Variants in PIAS4 observed in about 807,000 individuals in gnomAD.
PIAS4 encodes the protein E3 SUMO-protein ligase PIAS4.
A neutral mutation model predicts 58.0 loss-of-function variants in PIAS4; 7 were observed. That is an observed-to-expected ratio of 0.12 (90% CI 0.07 to 0.23). The LOEUF (loss-of-function observed/expected upper bound fraction) is 0.23, where lower values mean the gene tolerates loss of function less well. PIAS4 is among the 10% of genes least tolerant of loss of function. The pLI, the probability that PIAS4 is intolerant of heterozygous loss-of-function variation, is 1.00. For missense variants in PIAS4, 550 were observed against 709.5 expected (o/e 0.78, Z 2.55); for synonymous variants, 364 against 312.4 (o/e 1.17, Z -1.74).
At chr19:4,028,876 GCCC>G in intron 6 of PIAS4, 28 bp downstream of exon 6, 1 of 1,609,560 alleles carries the variant, frequency 6.2e-7, no homozygotes, top group South Asian at 1.1e-5. Flanking sequence ...TGCCCACCCT[GCCC>G]CCCAACCCCG....
chr19:4,028,486 C>T (rs889871686), intron 4 of PIAS4, 24 bp from the exon 5 acceptor site: 2 of 1,588,848 alleles, frequency 1.3e-6, no homozygotes, highest in African/African-American at 2.7e-5. Flanking sequence ...CCTCCCCGCC[C>T]CATGGTCCCT....
chr19:4,021,192 A>C (rs879724125), intron 2 of PIAS4, among the ~76,000 whole-genome samples: 1 of 151,996 alleles, frequency 6.6e-6, no homozygotes, highest in Non-Finnish European at 1.5e-5. Context: ...TCACTCTGTC[A>C]CCCAGGCTGG....
Position 4,037,608 on chromosome 19 carries a change from G to A in PIAS4, c.1274-8G>A. On this transcript the variant is annotated splice_polypyrimidine_tract_variant and splice_region_variant and intron_variant, in intron 10 of 10. Transcript: ENST00000262971. This position sits in a 1 kb window ranked among gnomAD's most constrained non-coding sequence, Gnocchi z 5.8. ...TAAGTACCTGCACCCTGTCCCTGTT[G>A]CCCGTAGGCCCCTCGGACGCCAATG... 1 of 1,609,244 alleles carries A rather than the reference G, an allele frequency of 6.2e-7. No homozygotes were observed. The highest frequency in any genetic ancestry group is 8.5e-7 in the Non-Finnish European group (1 of 1,179,774).
In PIAS4 at chr19:4,025,652, G is replaced by T. The variant is rs1175167632; in HGVS notation, c.539+1532G>T. Among the ~76,000 whole-genome samples the T allele has an allele frequency of 7.6e-5, 9 of 118,712 alleles. No individual in the cohort carries two copies. The East Asian group carries it at 2.4e-3, about 31-fold the overall frequency. The allele number at this position is 118,712 out of a possible 152,430, so 77.9% of individuals were successfully genotyped here. ...TTGGCCATGGAGGCCTCTCTGCCTG[G>T]GTGACCCAAGGTGGCGACCTCGTCT... On this transcript the variant is annotated intron_variant, in intron 3 of 10. Coordinates refer to ENST00000262971, the MANE Select transcript of PIAS4 (RefSeq NM_015897.4).
chr19:4,030,231 G>A (rs2040210691), intron 7 of PIAS4, among the ~76,000 whole-genome samples: 1 of 143,928 alleles, frequency 6.9e-6, no homozygotes, highest in East Asian at 1.9e-4. Context: ...CCAAAGTGCT[G>A]GGATTACAGT....
chr19:4,023,594 C>G (rs977925777), intron 2 of PIAS4, among the ~76,000 whole-genome samples: 5 of 152,230 alleles, frequency 3.3e-5, no homozygotes, highest in Non-Finnish European at 7.3e-5. Context: ...CGTCAGTACC[C>G]CCCGCACCAC....
chr19:4,017,159 G>A (rs1278936735), intron 2 of PIAS4, among the ~76,000 whole-genome samples: 1 of 152,090 alleles, frequency 6.6e-6, no homozygotes, highest in Non-Finnish European at 1.5e-5. Flanking sequence ...CCTGTGGTTG[G>A]GGAACAGGGG....
At chr19:4,029,392 A>G (rs2040200609) in intron 7 of PIAS4, among the ~76,000 whole-genome samples, 1 of 152,098 alleles carries the variant, frequency 6.6e-6, no homozygotes, top group Non-Finnish European at 1.5e-5. Context: ...GCTGTGGTCT[A>G]AGCAGCCCCT....
chr19:4,027,915 C>T (rs1471815594), intron 3 of PIAS4, among the ~76,000 whole-genome samples: 7 of 152,048 alleles, frequency 4.6e-5, no homozygotes, highest in African/African-American at 1.7e-4. Context: ...CTCTCTGGTT[C>T]AGGGTTTTGC....
chr19:4,032,504 A>T (rs1326047975), intron 7 of PIAS4, among the ~76,000 whole-genome samples: 2 of 152,158 alleles, frequency 1.3e-5, no homozygotes, highest in Non-Finnish European at 2.9e-5. Flanking sequence ...CGTCGAGGGG[A>T]GGGCGGCGCC....
At chr19:4,033,261 G>T in intron 8 of PIAS4, 88 bp downstream of exon 8, 1 of 1,433,508 alleles carries the variant, frequency 7.0e-7, no homozygotes, top group Non-Finnish European at 9.6e-7. Context: ...GGCTTGGCTG[G>T]GCCGTGAGCC....
At chr19:4,008,038 C>G (rs1802755035) in intron 1 of PIAS4, among the ~76,000 whole-genome samples, 1 of 151,728 alleles carries the variant, frequency 6.6e-6, no homozygotes, top group South Asian at 2.1e-4. Context: ...GGCAGGGTCC[C>G]CCCACCCAGC....
chr19:4,020,373 G>A (rs951880765), intron 2 of PIAS4, among the ~76,000 whole-genome samples: 1 of 152,152 alleles, frequency 6.6e-6, no homozygotes, highest in South Asian at 2.1e-4. Context: ...CATAGCCTGC[G>A]AAGCTGATGA....
intron 1 of PIAS4, among the ~76,000 whole-genome samples, 161 bp from the exon 2 acceptor site, chr19:4,012,762 G>T (rs1473044855): frequency 6.6e-6 from 1 of 152,048 alleles, no homozygotes; most frequent in Admixed American, 6.5e-5. Context: ...TTGCTGGGAG[G>T]GGGCACCGTA....
intron 3 of PIAS4, among the ~76,000 whole-genome samples, chr19:4,026,439 C>G (rs2040165443): frequency 6.6e-6 from 1 of 151,326 alleles, no homozygotes; most frequent in Non-Finnish European, 1.5e-5. Flanking sequence ...TCCCACATTT[C>G]TTTTTCTTAT....
Position 4,037,934 on chromosome 19 carries a change from T to G in PIAS4, c.*59T>G. The G allele has an allele frequency of 6.6e-7, 1 of 1,512,928 alleles. No homozygotes were observed. The highest frequency in any genetic ancestry group is 8.8e-7 in the Non-Finnish European group (1 of 1,133,646). 93.7% of individuals were successfully genotyped at this position (1,512,928 alleles called of 1,614,324 possible). A position where few individuals can be genotyped will look rare whatever the true frequency, so the allele number is the denominator to read the frequency against. ...CCACGCAGAGGGGCACGGGCCAGCCTCGGGCGCAGAGGGAGGAGTGACCTT... is the reference window on the plus strand; with the variant it reads ...CCACGCAGAGGGGCACGGGCCAGCCGCGGGCGCAGAGGGAGGAGTGACCTT... On this transcript the variant is annotated 3_prime_UTR_variant, in exon 11 of 11. Transcript: ENST00000262971. The surrounding 1 kb of genome is among the most constrained non-coding windows in gnomAD (Gnocchi z 5.8).
At chr19:4,027,496 G>A (rs1176617165) in intron 3 of PIAS4, among the ~76,000 whole-genome samples, 3 of 151,872 alleles carry the variant, frequency 2.0e-5, no homozygotes, top group Non-Finnish European at 4.4e-5. Context: ...GCGTCTTTGG[G>A]TAGATAGACT....
intron 9 of PIAS4, among the ~76,000 whole-genome samples, chr19:4,036,731 AC>A (rs1241190958): frequency 6.7e-6 from 1 of 149,682 alleles, no homozygotes; most frequent in East Asian, 2.0e-4. Flanking sequence ...TCTACAGTCC[AC>A]ACCATCACAT....
chr19:4,034,769 G>T (rs2040258453), intron 9 of PIAS4, among the ~76,000 whole-genome samples: 1 of 152,148 alleles, frequency 6.6e-6, no homozygotes, highest in Admixed American at 6.5e-5. Context: ...GTCCCATGCA[G>T]GCCTTGGCCT....
Sources: allele counts gnomAD v4.1 joint callset (sites outside exome capture counted in the v4.1 genomes callset), GRCh38; gene constraint gnomAD v4.1.1; non-coding constraint Gnocchi (gnomAD v3.1); transcripts MANE v1.5; gene names NCBI Gene and HGNC (gene_info 2026-07-23, HGNC 2026-07-21).